Variants in PRKG2 observed in about 807,000 individuals in gnomAD.
The protein encoded by PRKG2 is protein kinase cGMP-dependent 2.
Under a neutral mutation model 97.2 loss-of-function variants are expected in PRKG2, and 33 were observed. The ratio of observed to expected loss-of-function variants is 0.34; its 90% CI spans 0.26 to 0.45. PRKG2 has a LOEUF of 0.45. Ranked by LOEUF, PRKG2 falls within the 20% of genes least tolerant of loss-of-function variation. The pLI is 1.00. For missense variants in PRKG2, 638 were observed against 900.0 expected (o/e 0.71, Z 3.73); for synonymous variants, 330 against 321.8 (o/e 1.03, Z -0.27).
In PRKG2 at chr4:81,157,188, T is replaced by C. The variant is rs1329042939; in HGVS notation, c.913-3467A>G. ...CAAAATTGATAGACCACTAGCAAGA[T>C]TAATAAAGAAAAAAAGAGAGAAGAA... On this transcript the variant is annotated intron_variant, in intron 6 of 18. Coordinates refer to ENST00000264399, the MANE Select transcript of PRKG2 (RefSeq NM_006259.3). Among the ~76,000 whole-genome samples the C allele has an allele frequency of 1.4e-3, 218 of 151,704 alleles. 1 individual carries two copies. The highest frequency in any genetic ancestry group is 0.014 in the South Asian group (68 of 4,806).
rs558879170 is a variant in PRKG2, at chr4:81,215,162, T to A, written c.-240A>T. On this transcript the variant is annotated 5_prime_UTR_variant, in exon 1 of 19. Transcript: ENST00000264399. Reference sequence around the variant, plus strand: ...GAGCCGGGGGCGCGGGTTAGCGCGATGCGGGCAGGAGCTGCGGCGGCGTCG... The same window carrying A: ...GAGCCGGGGGCGCGGGTTAGCGCGAAGCGGGCAGGAGCTGCGGCGGCGTCG... 441 of 152,552 alleles carry A rather than the reference T, an allele frequency of 2.9e-3. 3 individuals are homozygous for A. Among genetic ancestry groups the A allele is most frequent in the Non-Finnish European group, 5.2e-3 (355 of 68,236 alleles). 9.4% of individuals were successfully genotyped at this position (152,552 alleles called of 1,614,324 possible).
At chr4:81,093,406 A>ACACACACACACAC (rs1560528537) in intron 17 of PRKG2, among the ~76,000 whole-genome samples, 13 of 120,096 alleles carry the variant, frequency 1.1e-4, no homozygotes, top group African/African-American at 4.3e-4. Flanking sequence ...CACACACACA[A>ACACACACACACAC]GCTTCTTATC....
At position 81,126,695 on chromosome 4, in the gene PRKG2, C is replaced by T. The variant is rs576472515; in HGVS notation, c.1776+8460G>A. Among the ~76,000 whole-genome samples, 4 of 152,168 alleles carry T rather than the reference C, an allele frequency of 2.6e-5. No homozygotes were observed. In the South Asian group the frequency reaches 8.3e-4, roughly 32 times the overall value. The stretch of plus-strand genomic sequence containing the variant: ...GTCTTCTTTTGAGAAGCGTCTGTTC[C>T]TCTCCTTTGCCCACTTTTTGATGGT... On this transcript the variant is annotated intron_variant, in intron 14 of 18. Coordinates refer to ENST00000264399, the MANE Select transcript of PRKG2 (RefSeq NM_006259.3).
chr4:81,136,194 A>T (rs1255664983), intron 13 of PRKG2, among the ~76,000 whole-genome samples: 1 of 152,152 alleles, frequency 6.6e-6, no homozygotes, highest in East Asian at 1.9e-4. Context: ...GTCCAATGAA[A>T]TGTTCATGAT....
At chr4:81,147,747 G>C (rs761915835) in intron 9 of PRKG2, among the ~76,000 whole-genome samples, 3 of 152,060 alleles carry the variant, frequency 2.0e-5, no homozygotes, top group Admixed American at 2.0e-4. Flanking sequence ...GACTCATTTT[G>C]TATCTGTAGA....
At chr4:81,191,700 T>TTA (rs1040399160) in intron 2 of PRKG2, among the ~76,000 whole-genome samples, 6 of 152,106 alleles carry the variant, frequency 3.9e-5, no homozygotes, top group Non-Finnish European at 7.4e-5. Flanking sequence ...CTATGGGAGA[T>TTA]AAACAGACCT....
At chr4:81,104,282 C>A in intron 17 of PRKG2, 88 bp downstream of exon 17, 3 of 903,564 alleles carry the variant, frequency 3.3e-6, no homozygotes, top group East Asian at 3.4e-5. Flanking sequence ...GGAAAGGGAC[C>A]TTTGTGGCCT....
intron 14 of PRKG2, among the ~76,000 whole-genome samples, chr4:81,113,224 A>T (rs568556589): frequency 2.0e-5 from 3 of 152,280 alleles, no homozygotes; most frequent in Admixed American, 6.5e-5. Context: ...TTCTTTTCTA[A>T]GAAATCACAG....
chr4:81,175,019 G>T, intron 2 of PRKG2, 60 bp from the exon 3 acceptor site: 2 of 1,428,716 alleles, frequency 1.4e-6, no homozygotes, highest in Non-Finnish European at 9.5e-7. Context: ...TTACTATTTA[G>T]ATTCACTTTA....
intron 6 of PRKG2, among the ~76,000 whole-genome samples, chr4:81,163,939 G>A (rs138545558): frequency 3.3e-3 from 491 of 151,052 alleles, no homozygotes; most frequent in African/African-American, 0.011. Flanking sequence ...CAAGTGTGTC[G>A]GTTAAAAAAT....
At chr4:81,151,264 C>T (rs1748372912) in intron 8 of PRKG2, among the ~76,000 whole-genome samples, 1 of 151,976 alleles carries the variant, frequency 6.6e-6, no homozygotes, top group African/African-American at 2.4e-5. Flanking sequence ...ATAGATAATT[C>T]CAATAAAGTG....
At chr4:81,214,329 A>G (rs1328688651) in intron 1 of PRKG2, among the ~76,000 whole-genome samples, 1 of 151,902 alleles carries the variant, frequency 6.6e-6, no homozygotes, top group African/African-American at 2.4e-5. Context: ...TCGTAGTTGC[A>G]CCGTAGTTCT....
At chr4:81,164,776 CA>C (rs1322568577) in intron 6 of PRKG2, among the ~76,000 whole-genome samples, 1 of 152,144 alleles carries the variant, frequency 6.6e-6, no homozygotes, top group Non-Finnish European at 1.5e-5. Context: ...ATCCCAGCCT[CA>C]AACACCTCAG....
At chr4:81,197,932 C>T (rs1753063439) in intron 2 of PRKG2, among the ~76,000 whole-genome samples, 1 of 152,174 alleles carries the variant, frequency 6.6e-6, no homozygotes, top group Admixed American at 6.5e-5. Flanking sequence ...GAAACTTGGA[C>T]ATTAAAGCTG....
rs548872441 is a variant in PRKG2 at position 81,189,710 on chromosome 4, A to T, written c.462-14751T>A. Reference sequence around the variant, plus strand: ...ACACCAGCCTGGCACATGTATACATATGTAACTAACCTGCACGTTGTGCAC... The same window carrying T: ...ACACCAGCCTGGCACATGTATACATTTGTAACTAACCTGCACGTTGTGCAC... On this transcript the variant is annotated intron_variant, in intron 2 of 18. Coordinates refer to ENST00000264399, the MANE Select transcript of PRKG2 (RefSeq NM_006259.3). 9.9e-5 allele frequency among the ~76,000 whole-genome samples: 15 copies of T among 152,042 alleles called. No individual in the cohort carries two copies. The South Asian group carries it at 3.1e-3, about 32-fold the overall frequency.
intron 17 of PRKG2, among the ~76,000 whole-genome samples, chr4:81,094,338 T>C (rs1741900686): frequency 6.6e-6 from 1 of 152,082 alleles, no homozygotes; most frequent in Non-Finnish European, 1.5e-5. Context: ...TTAAAGTGAC[T>C]AGTTCTCTAA....
intron 14 of PRKG2, among the ~76,000 whole-genome samples, chr4:81,121,548 T>C (rs1745072325): frequency 6.6e-6 from 1 of 152,158 alleles, no homozygotes; most frequent in Non-Finnish European, 1.5e-5. Context: ...TTCAAGGAAT[T>C]AGTCCATTTC....
intron 14 of PRKG2, among the ~76,000 whole-genome samples, chr4:81,133,020 T>C (rs1475309422): frequency 1.3e-5 from 2 of 152,120 alleles, no homozygotes; most frequent in Non-Finnish European, 2.9e-5. Flanking sequence ...CCCTAGAACT[T>C]TAGATCCAGT....
intron 12 of PRKG2, among the ~76,000 whole-genome samples, chr4:81,139,424 T>G (rs995873943): frequency 6.6e-6 from 1 of 151,980 alleles, no homozygotes; most frequent in Non-Finnish European, 1.5e-5. Flanking sequence ...ACACACATAC[T>G]CAAACACACA....
Sources: allele counts gnomAD v4.1 joint callset (sites outside exome capture counted in the v4.1 genomes callset), GRCh38; gene constraint gnomAD v4.1.1; transcripts MANE v1.5; gene names NCBI Gene and HGNC (gene_info 2026-07-23, HGNC 2026-07-21).